The following CNTNAP2 variants were observed in gnomAD, a reference collection of about 807,000 sequenced individuals.
The protein encoded by CNTNAP2 is contactin associated protein 2.
A neutral mutation model predicts 155.2 loss-of-function variants in CNTNAP2; 98 were observed. The ratio of observed to expected loss-of-function variants is 0.63; its 90% confidence interval spans 0.54 to 0.75. The LOEUF is 0.75. CNTNAP2 is among the 30% of genes least tolerant of loss of function. CNTNAP2 has a pLI of 0.00. For missense variants in CNTNAP2, 1,727 were observed against 1,688.1 expected (o/e 1.02, Z -0.40); for synonymous variants, 651 against 631.2 (o/e 1.03, Z -0.47).
At chr7:146,293,438 C>G (rs966797722) in intron 1 of CNTNAP2, among the ~76,000 whole-genome samples, 4 of 152,152 alleles carry the variant, frequency 2.6e-5, no homozygotes, top group African/African-American at 7.2e-5. Flanking sequence ...TTGATTGTTT[C>G]AACTCCAGAG....
At chr7:148,243,416 G>C (rs1473833865) in intron 20 of CNTNAP2, among the ~76,000 whole-genome samples, 1 of 152,122 alleles carries the variant, frequency 6.6e-6, no homozygotes, top group Non-Finnish European at 1.5e-5. Flanking sequence ...CCATTTTCAC[G>C]CTGCTGATAA....
chr7:147,774,818 T>A (rs1243360296), intron 13 of CNTNAP2, among the ~76,000 whole-genome samples: 1 of 152,138 alleles, frequency 6.6e-6, no homozygotes, highest in Admixed American at 6.6e-5. Flanking sequence ...TGAAGGGGAC[T>A]AAGATAGAAA....
At chr7:146,352,523 A>G (rs1413801851) in intron 1 of CNTNAP2, among the ~76,000 whole-genome samples, 2 of 152,080 alleles carry the variant, frequency 1.3e-5, no homozygotes, top group African/African-American at 2.4e-5. Context: ...GGTAGATAAA[A>G]TATACAACCA....
At chr7:148,038,873 TAG>T (rs1315593983) in intron 15 of CNTNAP2, among the ~76,000 whole-genome samples, 2 of 150,764 alleles carry the variant, frequency 1.3e-5, no homozygotes, top group Non-Finnish European at 2.9e-5. Context: ...GATGGATGGA[TAG>T]ATAGATAAGG....
At chr7:147,806,338 A>G (rs566486913) in intron 13 of CNTNAP2, among the ~76,000 whole-genome samples, 12 of 152,340 alleles carry the variant, frequency 7.9e-5, no homozygotes, top group African/African-American at 2.9e-4. Context: ...AGATAAAATA[A>G]TAACAGATGG....
At chr7:147,610,124 T>C (rs894930565) in intron 12 of CNTNAP2, among the ~76,000 whole-genome samples, 3 of 152,156 alleles carry the variant, frequency 2.0e-5, no homozygotes, top group Admixed American at 6.5e-5. Flanking sequence ...CATGTTGAAA[T>C]TGAAGCTATG....
At chr7:148,147,103 A>G (rs1805198136) in intron 16 of CNTNAP2, among the ~76,000 whole-genome samples, 1 of 152,212 alleles carries the variant, frequency 6.6e-6, no homozygotes, top group Non-Finnish European at 1.5e-5. Flanking sequence ...ATTAGAAGAT[A>G]TCAGGCTCTG....
chr7:147,667,802 A>AT (rs1355689536), intron 13 of CNTNAP2, among the ~76,000 whole-genome samples: 1 of 149,070 alleles, frequency 6.7e-6, no homozygotes, highest in Admixed American at 7.0e-5. Flanking sequence ...CTGCAAAAAA[A>AT]AAAAATAATA....
At chr7:147,467,487 G>A (rs1271385926) in intron 10 of CNTNAP2, among the ~76,000 whole-genome samples, 1 of 152,068 alleles carries the variant, frequency 6.6e-6, no homozygotes, top group Non-Finnish European at 1.5e-5. Context: ...TAAATGACGG[G>A]TACACATGGA....
chr7:147,841,194 G>A (rs1441404544), intron 13 of CNTNAP2, among the ~76,000 whole-genome samples: 3 of 152,086 alleles, frequency 2.0e-5, no homozygotes, highest in Non-Finnish European at 2.9e-5. Context: ...TCAGAAAATT[G>A]CCTCATTTCT....
chr7:147,886,128 CTG>C (rs1439386146), intron 13 of CNTNAP2, among the ~76,000 whole-genome samples: 4 of 152,166 alleles, frequency 2.6e-5, no homozygotes, highest in Admixed American at 2.0e-4. Context: ...ATTCCACAGA[CTG>C]TCCCATGCTC....
At chr7:148,230,186 C>T (rs1032719151) in intron 20 of CNTNAP2, among the ~76,000 whole-genome samples, 3 of 152,252 alleles carry the variant, frequency 2.0e-5, no homozygotes, top group South Asian at 2.1e-4. Context: ...CAACACAATA[C>T]AAAGAGCTGT....
chr7:146,828,493 T>G (rs1188490432), intron 2 of CNTNAP2, among the ~76,000 whole-genome samples: 1 of 152,098 alleles, frequency 6.6e-6, no homozygotes, highest in South Asian at 2.1e-4. Flanking sequence ...TCTCCAGTAG[T>G]GAAGAGCTCA....
intron 1 of CNTNAP2, among the ~76,000 whole-genome samples, chr7:146,134,006 G>A (rs1797758272): frequency 6.7e-6 from 1 of 149,610 alleles, no homozygotes; most frequent in Non-Finnish European, 1.5e-5. Flanking sequence ...ACCTTGGGCA[G>A]TATGGCCATT....
chr7:147,582,515 A>G (rs1800522281), intron 12 of CNTNAP2, among the ~76,000 whole-genome samples: 1 of 152,180 alleles, frequency 6.6e-6, no homozygotes. Context: ...TTTAAAAAGT[A>G]CAAAACAAGT....
chr7:146,887,144 T>TTTTG (rs371502369), intron 3 of CNTNAP2, among the ~76,000 whole-genome samples: 18 of 152,142 alleles, frequency 1.2e-4, no homozygotes, highest in Admixed American at 3.3e-4. Context: ...TACATAGTTT[T>TTTTG]TTTGTTTGTT....
At chr7:146,574,777 A>G (rs1488474858) in intron 1 of CNTNAP2, among the ~76,000 whole-genome samples, 2 of 152,094 alleles carry the variant, frequency 1.3e-5, no homozygotes, top group African/African-American at 4.8e-5. Flanking sequence ...ACAGAATCTA[A>G]TTTTGTCTCT....
chr7:146,428,487 T>C (rs1276550282), intron 1 of CNTNAP2, among the ~76,000 whole-genome samples: 3 of 152,198 alleles, frequency 2.0e-5, no homozygotes, highest in East Asian at 3.9e-4. Flanking sequence ...TTTACGTTTT[T>C]TTAATGATCA....
At chr7:147,123,182 A>G (rs182482448) in intron 6 of CNTNAP2, among the ~76,000 whole-genome samples, 31 of 152,262 alleles carry the variant, frequency 2.0e-4, no homozygotes, top group African/African-American at 3.6e-4. Context: ...ACATCCCAGA[A>G]ATTTCTATCT....
Sources: allele counts gnomAD v4.1 joint callset (sites outside exome capture counted in the v4.1 genomes callset), GRCh38; gene constraint gnomAD v4.1.1; transcripts MANE v1.5; gene names NCBI Gene and HGNC (gene_info 2026-07-23, HGNC 2026-07-21).